PCGF5: variants seen among roughly 807,000 people sequenced by gnomAD.
The protein encoded by PCGF5 is polycomb group RING finger protein 5.
A neutral mutation model predicts 44.3 loss-of-function variants in PCGF5; 9 were observed. The observed-to-expected ratio is 0.20, with a 90% CI of 0.12 to 0.35. The LOEUF (loss-of-function observed/expected upper bound fraction) is 0.35. Ranked by LOEUF, PCGF5 falls within the 10% of genes least tolerant of loss-of-function variation. The pLI, the probability that PCGF5 is intolerant of heterozygous loss-of-function variation, is 1.00. For missense variants in PCGF5, 146 were observed against 305.3 expected, an observed-to-expected ratio of 0.48 and a Z score of 3.89; for synonymous variants, 95 against 102.5, an observed-to-expected ratio of 0.93 and a Z score of 0.44.
intron 6 of PCGF5, among the ~76,000 whole-genome samples, chr10:91,259,422 C>G (rs899186999): frequency 2.0e-5 from 3 of 152,132 alleles, no homozygotes; most frequent in Admixed American, 2.0e-4. Flanking sequence ...GAAAATGTCC[C>G]TCATGTTTCA....
rs1238428717 is a variant in PCGF5, at chr10:91,246,307, G to A, written c.210-2198G>A. Among the ~76,000 whole-genome samples, 7 of 152,170 alleles carry A rather than the reference G, an allele frequency of 4.6e-5. No individual in the cohort carries two copies. In the East Asian group the frequency reaches 1.2e-3, roughly 25 times the overall value. On this transcript the variant is annotated intron_variant, in intron 3 of 9. Transcript: ENST00000336126. ...TGACCTTGTCTTGAAGAATAAGGTA[G>A]CATTGGTTTGGTCGGAGAGTACAGA...
At chr10:91,258,434 A>C (rs1845811900) in intron 6 of PCGF5, among the ~76,000 whole-genome samples, 1 of 152,104 alleles carries the variant, frequency 6.6e-6, no homozygotes, top group African/African-American at 2.4e-5. Context: ...CATTGTATAT[A>C]CTTACAGTTG....
Position 91,227,946 on chromosome 10 carries a change from A to C in PCGF5, c.112+4963A>C, listed in dbSNP as rs1844893406. The stretch of plus-strand genomic sequence containing the variant: ...AATAAAATCTTAAATGAATAAATGC[A>C]TGGCTAATAAGTTATTTTATTGTGT... On this transcript the variant is annotated intron_variant, in intron 2 of 9. Coordinates refer to ENST00000336126, the MANE Select transcript of PCGF5 (RefSeq NM_032373.5). 3 of 968,604 alleles carry C rather than the reference A, an allele frequency of 3.1e-6. No individual in the cohort carries two copies. The South Asian group carries it at 1.4e-4, about 46-fold the overall frequency. 60.0% of individuals were successfully genotyped at this position (968,604 alleles called of 1,614,324 possible).
At chr10:91,272,200 T>C (rs1846195780) in intron 9 of PCGF5, among the ~76,000 whole-genome samples, 1 of 152,210 alleles carries the variant, frequency 6.6e-6, no homozygotes, top group Non-Finnish European at 1.5e-5. Context: ...CTAAGAAAAG[T>C]TGAACATGTG....
At chr10:91,236,234 ACAGCTGTG>A (rs1209158703) in intron 2 of PCGF5, among the ~76,000 whole-genome samples, 1 of 152,192 alleles carries the variant, frequency 6.6e-6, no homozygotes. Flanking sequence ...TCTTTGCTGC[ACAGCTGTG>A]CAGCTGTGAG....
At position 91,169,026 on chromosome 10, in the gene PCGF5, C is replaced by T. The variant is rs146359255; in HGVS notation, c.-184+5945C>T. Among the ~76,000 whole-genome samples the T allele has an allele frequency of 6.3e-3, 939 of 148,730 alleles. 12 individuals carry two copies. Among genetic ancestry groups the T allele is most frequent in the African/African-American group, 0.02 (790 of 40,356 alleles). On this transcript the variant is annotated intron_variant, in intron 1 of 9. Coordinates refer to the PCGF5 transcript ENST00000614189. ...AAGTGCAGAGGAAAGGAATGAAGAT[C>T]GAGGGAGGACGTAGGAGGGCAATTA...
At chr10:91,171,869 A>T (rs750586537) in intron 1 of PCGF5, among the ~76,000 whole-genome samples, 3 of 152,170 alleles carry the variant, frequency 2.0e-5, no homozygotes, top group Non-Finnish European at 4.4e-5. Flanking sequence ...GGGAACTATG[A>T]GGCCAAAATA....
intron 1 of PCGF5, among the ~76,000 whole-genome samples, chr10:91,184,464 A>G (rs1442356301): frequency 6.6e-6 from 1 of 152,090 alleles, no homozygotes; most frequent in African/African-American, 2.4e-5. Context: ...GCAATGTTTT[A>G]GCGTGATTTT....
In PCGF5 at chr10:91,264,490, C is replaced by T; in HGVS notation, c.633C>T (p.Tyr211=). The change falls in exon 8 of 10, where the codon TAC becomes TAT. Residue 211 remains tyrosine, a synonymous_variant. Transcript: ENST00000336126. ...MGKDHTMEFI[Y]MTRWRLRGEN... is the part of the protein sequence containing the mutation. Reference sequence around the variant, plus strand: ...AGGATCATACTATGGAATTCATCTACATGACAAGATGGCGACTAAGAGGCG... The same window carrying T: ...AGGATCATACTATGGAATTCATCTATATGACAAGATGGCGACTAAGAGGCG... The T allele has an allele frequency of 6.2e-7, 1 of 1,611,644 alleles. No homozygotes were observed. The highest frequency in any genetic ancestry group is 8.5e-7 in the Non-Finnish European group (1 of 1,179,118).
At chr10:91,184,810 C>T (rs1446202010) in intron 1 of PCGF5, among the ~76,000 whole-genome samples, 1 of 152,068 alleles carries the variant, frequency 6.6e-6, no homozygotes, top group East Asian at 1.9e-4. Flanking sequence ...CCCTAGTGGC[C>T]TTGGATTTTT....
intron 2 of PCGF5, among the ~76,000 whole-genome samples, chr10:91,224,003 A>G (rs1323317882): frequency 6.6e-6 from 1 of 152,102 alleles, no homozygotes; most frequent in Non-Finnish European, 1.5e-5. Context: ...GCTCTGCTGA[A>G]CTGACTTAAT....
intron 2 of PCGF5, chr10:91,227,812 C>G (rs1468520441): frequency 5.1e-6 from 5 of 988,654 alleles, no homozygotes; most frequent in Admixed American, 1.2e-4. Flanking sequence ...ACTGTTTGCT[C>G]TCCTTGAAAT....
At chr10:91,232,844 A>C (rs1845048198) in intron 2 of PCGF5, among the ~76,000 whole-genome samples, 1 of 152,130 alleles carries the variant, frequency 6.6e-6, no homozygotes, top group Admixed American at 6.5e-5. Flanking sequence ...GAAGGTGTGA[A>C]ATACTAGCAA....
At chr10:91,245,079 C>T (rs1158567538) in intron 3 of PCGF5, among the ~76,000 whole-genome samples, 3 of 151,970 alleles carry the variant, frequency 2.0e-5, no homozygotes, top group Non-Finnish European at 4.4e-5. Context: ...GAGTAAAGGA[C>T]CAAGGATTGA....
chr10:91,233,919 CAG>C (rs1845081007), intron 2 of PCGF5, among the ~76,000 whole-genome samples: 1 of 152,162 alleles, frequency 6.6e-6, no homozygotes, highest in South Asian at 2.1e-4. Flanking sequence ...TTTTAATAAA[CAG>C]AGCATTACTA....
In PCGF5 at chr10:91,227,194, T is replaced by C. The variant is rs113880477; in HGVS notation, c.112+4211T>C. The C allele has an allele frequency of 3.6e-3, 1,371 of 383,284 alleles. 18 individuals carry two copies. Among genetic ancestry groups the C allele is most frequent in the African/African-American group, 0.025 (1,165 of 47,430 alleles). 23.7% of individuals were successfully genotyped at this position (383,284 alleles called of 1,614,324 possible). On this transcript the variant is annotated intron_variant, in intron 2 of 9. Coordinates refer to ENST00000336126, the MANE Select transcript of PCGF5 (RefSeq NM_032373.5). Reference sequence around the variant, plus strand: ...ATGTATACACTATTGAGCAAACTTATATGCCAAGAAGAAATTTCTAACACA... The same window carrying C: ...ATGTATACACTATTGAGCAAACTTACATGCCAAGAAGAAATTTCTAACACA...
At chr10:91,166,009 G>T (rs780534425) in intron 1 of PCGF5, among the ~76,000 whole-genome samples, 38 of 152,174 alleles carry the variant, frequency 2.5e-4, no homozygotes, top group Non-Finnish European at 5.3e-4. Context: ...TCAAGAGTAA[G>T]CTCAGAGACA....
At chr10:91,269,866 C>A (rs1306977605) in intron 8 of PCGF5, among the ~76,000 whole-genome samples, 1 of 152,058 alleles carries the variant, frequency 6.6e-6, no homozygotes, top group Non-Finnish European at 1.5e-5. Flanking sequence ...CTTCTAGGAT[C>A]TCTTTATGTG....
intron 8 of PCGF5, 141 bp from the exon 9 acceptor site, chr10:91,271,497 C>T: frequency 1.7e-6 from 1 of 599,176 alleles, no homozygotes; most frequent in Non-Finnish European, 2.7e-6. Flanking sequence ...TCAAAAACAA[C>T]CACCATTTTT....
Sources: gnomAD v4.1 joint callset for allele counts (sites outside exome capture counted in the v4.1 genomes callset) on GRCh38, gnomAD v4.1.1 for gene constraint, MANE v1.5 for transcripts, NCBI Gene and HGNC (gene_info 2026-07-23, HGNC 2026-07-21) for gene names.